Variants in CCDC3 observed in about 807,000 individuals in gnomAD.
CCDC3 encodes coiled-coil domain containing 3.
Under a neutral mutation model 21.4 loss-of-function variants are expected in CCDC3, and 24 were observed. The observed-to-expected ratio is 1.12, with a 90% CI of 0.81 to 1.58. The LOEUF is 1.58. Among genes scored for constraint, CCDC3 ranks in the 40% most tolerant of loss-of-function variants. The probability of loss-of-function intolerance (pLI) is 0.00; values close to 1 mark genes in which losing one functional copy is unlikely to be tolerated. For synonymous variants in CCDC3, 186 were observed against 166.0 expected, an observed-to-expected ratio of 1.12 and a Z score of -0.93; for missense variants, 425 against 360.9, an observed-to-expected ratio of 1.18 and a Z score of -1.44.
intron 3 of CCDC3, among the ~76,000 whole-genome samples, chr10:13,079,479 G>T (rs964719379): frequency 6.6e-6 from 1 of 152,102 alleles, no homozygotes; most frequent in Non-Finnish European, 1.5e-5. Context: ...GACTAAAGCG[G>T]GGCCATAAAG....
chr10:12,966,112 A>G (rs1245788538), intron 2 of CCDC3, among the ~76,000 whole-genome samples: 1 of 152,096 alleles, frequency 6.6e-6, no homozygotes, highest in African/African-American at 2.4e-5. Context: ...CCCTGGCAGT[A>G]GCGTAAATAG....
chr10:12,906,583 C>G (rs1458548038), intron 2 of CCDC3, among the ~76,000 whole-genome samples: 1 of 152,160 alleles, frequency 6.6e-6, no homozygotes, highest in Non-Finnish European at 1.5e-5. Flanking sequence ...TTAAACGATT[C>G]CACACTCCAC....
chr10:12,935,381 GC>G (rs1834720682), intron 2 of CCDC3, among the ~76,000 whole-genome samples: 1 of 152,120 alleles, frequency 6.6e-6, no homozygotes, highest in Admixed American at 6.6e-5. Context: ...ACTATGCCAG[GC>G]CTTGTTTTTT....
At chr10:12,898,827 T>C (rs1834050793) in intron 2 of CCDC3, 148 bp from the exon 3 acceptor site, 3 of 942,118 alleles carry the variant, frequency 3.2e-6, no homozygotes, top group South Asian at 1.8e-5. Context: ...CAGGATGTCC[T>C]TGACGGTGAC....
Position 13,049,941 on chromosome 10 carries a change from GC to G in CCDC3, c.-269-1del, listed in dbSNP as rs1223915774. On this transcript the variant is annotated splice_acceptor_variant, in intron 4 of 6. Transcript: ENST00000378839. LOFTEE classifies it low-confidence loss of function (5UTR_SPLICE). ...CTCTCCACTGCTCTTCCAAGAAGTA[GC>G]TGAGGACGGGAAGAAACACAGAATC... 1.3e-5 allele frequency: 2 copies of G among 152,232 alleles called. No individual in the cohort carries two copies. Among genetic ancestry groups the G allele is most frequent in the Non-Finnish European group, 2.9e-5 (2 of 68,038 alleles). The allele number at this position is 152,232 out of a possible 1,614,324, so 9.4% of individuals were successfully genotyped here. A position where few individuals can be genotyped will look rare whatever the true frequency, so the allele number is the denominator to read the frequency against.
intron 3 of CCDC3, among the ~76,000 whole-genome samples, chr10:13,087,797 T>C (rs918230940): frequency 6.6e-5 from 10 of 152,162 alleles, no homozygotes; most frequent in African/African-American, 2.4e-4. Context: ...CTATGTACTC[T>C]GCAATGGGCT....
intron 2 of CCDC3, among the ~76,000 whole-genome samples, chr10:12,979,635 G>A (rs770835034): frequency 6.6e-6 from 1 of 152,070 alleles, no homozygotes; most frequent in Non-Finnish European, 1.5e-5. Context: ...GCCTCCCAAA[G>A]TGCTAAGATT....
chr10:13,012,236 T>C (rs1011125800), intron 5 of CCDC3, among the ~76,000 whole-genome samples: 1 of 151,988 alleles, frequency 6.6e-6, no homozygotes, highest in Non-Finnish European at 1.5e-5. Flanking sequence ...CAAAAGAAAC[T>C]ATCAACAGAG....
chr10:13,038,840 T>C (rs977657172), intron 5 of CCDC3, among the ~76,000 whole-genome samples: 8 of 152,250 alleles, frequency 5.3e-5, no homozygotes, highest in African/African-American at 1.7e-4. Context: ...GAGAGGGCTG[T>C]TTTCTCCCAC....
chr10:13,009,372 C>T (rs1835959647), intron 5 of CCDC3, among the ~76,000 whole-genome samples: 2 of 152,062 alleles, frequency 1.3e-5, no homozygotes, highest in African/African-American at 4.8e-5. Context: ...TAAATGCAAA[C>T]TCAATAAAAA....
intron 2 of CCDC3, among the ~76,000 whole-genome samples, chr10:12,955,843 T>C (rs1040968939): frequency 2.0e-5 from 3 of 152,096 alleles, no homozygotes; most frequent in Admixed American, 2.0e-4. Context: ...CCCAAGTAAC[T>C]GGGATTACAA....
intron 3 of CCDC3, among the ~76,000 whole-genome samples, chr10:13,078,661 C>A (rs878987739): frequency 8.5e-5 from 13 of 152,196 alleles, no homozygotes; most frequent in African/African-American, 2.6e-4. Flanking sequence ...ACATATACAC[C>A]CTGGAATACT....
Position 12,961,957 on chromosome 10 carries a change from G to A in CCDC3, c.549+36381C>T, listed in dbSNP as rs186697253. On this transcript the variant is annotated intron_variant, in intron 2 of 2. Coordinates refer to ENST00000378825, the MANE Select transcript of CCDC3 (RefSeq NM_031455.4). ...AAGGAATAAAGGATTACTTGGACCC[G>A]TATATGCTAAGTGCCAAGCCAGACA... Among the ~76,000 whole-genome samples, 7 of 152,274 alleles carry A rather than the reference G, an allele frequency of 4.6e-5. No individual in the cohort carries two copies. In the South Asian group the frequency reaches 6.2e-4, roughly 14 times the overall value.
At chr10:12,898,798 CCA>C (rs1834050310) in intron 2 of CCDC3, 119 bp from the exon 3 acceptor site, 1 of 1,189,414 alleles carries the variant, frequency 8.4e-7, no homozygotes, top group Admixed American at 2.6e-5. Context: ...ATTCCCCACC[CCA>C]GCATGGGCAT....
At chr10:13,091,587 T>C (rs1171263507) in intron 3 of CCDC3, among the ~76,000 whole-genome samples, 1 of 152,202 alleles carries the variant, frequency 6.6e-6, no homozygotes, top group East Asian at 1.9e-4. Flanking sequence ...CCATCTCAGC[T>C]AATACTGCTA....
At chr10:12,923,449 G>C (rs1366453521) in intron 2 of CCDC3, among the ~76,000 whole-genome samples, 2 of 152,098 alleles carry the variant, frequency 1.3e-5, no homozygotes, top group East Asian at 3.9e-4. Context: ...ACCGGCTTAA[G>C]TGGCACCGTT....
At chr10:13,078,084 G>A (rs1022556840) in intron 3 of CCDC3, among the ~76,000 whole-genome samples, 3 of 152,066 alleles carry the variant, frequency 2.0e-5, no homozygotes, top group Non-Finnish European at 4.4e-5. Context: ...CCTACAGAAT[G>A]GAAGAAAATT....
chr10:13,095,824 C>T (rs1832623101), intron 3 of CCDC3, among the ~76,000 whole-genome samples: 1 of 152,198 alleles, frequency 6.6e-6, no homozygotes, highest in Admixed American at 6.5e-5. Flanking sequence ...TCATGGCTTT[C>T]AATTACACTT....
chr10:12,908,932 G>C (rs1048489551), intron 2 of CCDC3, among the ~76,000 whole-genome samples: 2 of 152,178 alleles, frequency 1.3e-5, no homozygotes, highest in Admixed American at 6.5e-5. Flanking sequence ...TCCATGGTGA[G>C]TGCAGAGAAG....
Sources: gnomAD v4.1 joint callset for allele counts (sites outside exome capture counted in the v4.1 genomes callset) on GRCh38, gnomAD v4.1.1 for gene constraint, MANE v1.5 for transcripts, NCBI Gene and HGNC (gene_info 2026-07-23, HGNC 2026-07-21) for gene names.